Variants in ESRRB observed in about 807,000 individuals in gnomAD.
The protein encoded by ESRRB is steroid hormone receptor ERR2.
ESRRB carries 16 observed loss-of-function variants against 46.0 expected under a neutral mutation model. That is an observed-to-expected ratio of 0.35 (90% confidence interval 0.24 to 0.53). ESRRB has a LOEUF of 0.53. ESRRB is among the 20% of genes least tolerant of loss of function. The pLI, the probability that ESRRB is intolerant of heterozygous loss-of-function variation, is 0.93. For synonymous variants in ESRRB, 246 were observed against 259.6 expected, an observed-to-expected ratio of 0.95 and a Z score of 0.50; for missense variants, 488 against 607.4, an observed-to-expected ratio of 0.80 and a Z score of 2.07.
At chr14:76,370,928 A>C (rs149741603), upstream of ESRRB, among the ~76,000 whole-genome samples, 1 of 152,336 alleles carries the variant, frequency 6.6e-6, no homozygotes, top group East Asian at 1.9e-4. Flanking sequence ...CTTGAGGCTC[A>C]GAAAAAAGAA....
intron 6 of ESRRB, among the ~76,000 whole-genome samples, chr14:76,493,446 C>G (rs538416909): frequency 6.6e-6 from 1 of 152,182 alleles, no homozygotes; most frequent in East Asian, 1.9e-4. Context: ...TGAGCCACCA[C>G]GCCCAGCCCC....
intron 2 of ESRRB, among the ~76,000 whole-genome samples, chr14:76,450,635 C>T (rs908667565): frequency 6.6e-6 from 1 of 152,074 alleles, no homozygotes; most frequent in Non-Finnish European, 1.5e-5. Context: ...TGGAAGAAAA[C>T]TCCCCTAGGA....
chr14:76,325,301 G>A (rs1443868507), intron 1 of ESRRB, among the ~76,000 whole-genome samples: 1 of 152,084 alleles, frequency 6.6e-6, no homozygotes, highest in Non-Finnish European at 1.5e-5. Context: ...GCTCTGCGTG[G>A]GAAAAATACG....
At chr14:76,322,276 CT>C (rs1447094862) in intron 1 of ESRRB, among the ~76,000 whole-genome samples, 1 of 152,156 alleles carries the variant, frequency 6.6e-6, no homozygotes, top group African/African-American at 2.4e-5. Context: ...CTTAGCTTTC[CT>C]TTGGAACTGC....
chr14:76,396,109 G>T (rs1885667451), intron 1 of ESRRB, among the ~76,000 whole-genome samples: 1 of 152,088 alleles, frequency 6.6e-6, no homozygotes. Flanking sequence ...GGAGGCAGAG[G>T]TTGCAGTGAA....
chr14:76,346,242 AGAT>A (rs1884248508), intron 1 of ESRRB, among the ~76,000 whole-genome samples: 1 of 152,228 alleles, frequency 6.6e-6, no homozygotes, highest in Non-Finnish European at 1.5e-5. Context: ...GAATCCATGC[AGAT>A]CCTGCCCTTA....
chr14:76,340,026 G>C (rs1884173657), intron 1 of ESRRB, among the ~76,000 whole-genome samples: 1 of 151,994 alleles, frequency 6.6e-6, no homozygotes, highest in Non-Finnish European at 1.5e-5. Context: ...TCCATCTCGG[G>C]GCAGGCGGCA....
chr14:76,332,452 C>CAT (rs571071537), intron 1 of ESRRB, among the ~76,000 whole-genome samples: 14 of 113,724 alleles, frequency 1.2e-4, no homozygotes, highest in Admixed American at 2.6e-4. Context: ...GGTGCACCAC[C>CAT]ATATATATAT....
At chr14:76,456,187 T>G (rs543966781) in intron 2 of ESRRB, among the ~76,000 whole-genome samples, 1 of 152,334 alleles carries the variant, frequency 6.6e-6, no homozygotes, top group African/African-American at 2.4e-5. Context: ...TGACACTTTC[T>G]GAGGTTCTGC....
intron 1 of ESRRB, among the ~76,000 whole-genome samples, chr14:76,343,401 C>G (rs1169736607): frequency 6.6e-6 from 1 of 152,226 alleles, no homozygotes; most frequent in Non-Finnish European, 1.5e-5. Context: ...CAAGTGTAAC[C>G]ACCTCCCTCA....
At chr14:76,311,518 G>C (rs1566848297) in intron 1 of ESRRB, among the ~76,000 whole-genome samples, 3 of 152,204 alleles carry the variant, frequency 2.0e-5, no homozygotes, top group South Asian at 4.1e-4. Flanking sequence ...CGCGGAGCAA[G>C]TTTGCTTTGA....
chr14:76,487,505 C>T (rs930589502), intron 5 of ESRRB, among the ~76,000 whole-genome samples: 9 of 147,878 alleles, frequency 6.1e-5, no homozygotes, highest in Non-Finnish European at 1.2e-4. Context: ...CATTAGTTAC[C>T]TTTTTTTTTT....
intron 1 of ESRRB, among the ~76,000 whole-genome samples, chr14:76,381,010 C>G (rs1884990728): frequency 6.6e-6 from 1 of 152,260 alleles, no homozygotes. Context: ...CCTGATTGGT[C>G]TCTGTCTCTG....
chr14:76,365,229 C>T (rs1429404953), intron 1 of ESRRB, among the ~76,000 whole-genome samples: 1 of 152,226 alleles, frequency 6.6e-6, no homozygotes, highest in Non-Finnish European at 1.5e-5. Context: ...CATCCCAGCA[C>T]TGTGGGAGGC....
At chr14:76,331,110 C>CT (rs1312385628) in intron 1 of ESRRB, among the ~76,000 whole-genome samples, 1 of 152,096 alleles carries the variant, frequency 6.6e-6, no homozygotes, top group Non-Finnish European at 1.5e-5. Flanking sequence ...GGATCGCCTC[C>CT]CCATACTCCT....
intron 1 of ESRRB, among the ~76,000 whole-genome samples, chr14:76,409,381 G>A (rs991674737): frequency 1.3e-5 from 2 of 152,154 alleles, no homozygotes; most frequent in African/African-American, 4.8e-5. Context: ...TGAGGCTGGA[G>A]AAAGGATGTT....
In ESRRB at chr14:76,405,741, A is replaced by G. The variant is rs118001940; in HGVS notation, c.50+29290A>G. Among the ~76,000 whole-genome samples, 351 of 151,700 alleles carry G rather than the reference A, an allele frequency of 2.3e-3. 2 individuals carry two copies. Among genetic ancestry groups the G allele is most frequent in the Middle Eastern group, 6.8e-3 (2 of 292 alleles). On this transcript the variant is annotated intron_variant, in intron 1 of 6. Transcript: ENST00000644823. ...TGCACTCCAGCCTGGCAACAGAGCG[A>G]GACTCTGTCTCAAAAAAAAAAAGGT...
rs574691532 is a variant in ESRRB, at chr14:76,500,663, C to T, written c.*2205C>T. 1 of 1,613,376 alleles carries T rather than the reference C, an allele frequency of 6.2e-7. No homozygotes were observed. Among genetic ancestry groups the T allele is most frequent in the East Asian group, 2.2e-5 (1 of 44,880 alleles). The stretch of plus-strand genomic sequence containing the variant: ...AGGACCCAGGCGGCAGGGCATCATG[C>T]CCAGCTGGCATCTGCTGTCTGTCTT... On this transcript the variant is annotated 3_prime_UTR_variant, in exon 7 of 7. Coordinates refer to ENST00000644823, the MANE Select transcript of ESRRB (RefSeq NM_001379180.1).
intron 6 of ESRRB, among the ~76,000 whole-genome samples, chr14:76,493,249 G>A (rs148899708): frequency 1.2e-3 from 177 of 152,256 alleles, no homozygotes; most frequent in African/African-American, 4.2e-3. Flanking sequence ...CTGCCTCCCG[G>A]GTTCAAGCGA....
Sources: allele counts gnomAD v4.1 joint callset (sites outside exome capture counted in the v4.1 genomes callset), GRCh38; gene constraint gnomAD v4.1.1; transcripts MANE v1.5; gene names NCBI Gene and HGNC (gene_info 2026-07-23, HGNC 2026-07-21).